POU2F3: variants seen among roughly 807,000 people sequenced by gnomAD.
POU2F3 encodes POU class 2 homeobox 3, also known as POU domain, class 2, transcription factor 3.
POU2F3 carries 23 observed loss-of-function variants against 59.2 expected under a neutral mutation model. The ratio of observed to expected loss-of-function variants is 0.39; its 90% CI spans 0.28 to 0.55. The LOEUF is 0.55. Among genes scored for constraint, POU2F3 ranks in the 20% least tolerant of loss-of-function variants. POU2F3 has a pLI of 0.66. For missense variants in POU2F3, 473 were observed against 544.5 expected (o/e 0.87, Z 1.31); for synonymous variants, 190 against 214.6 (o/e 0.89, Z 1.00).
At chr11:120,307,455 C>T in intron 8 of POU2F3, 24 bp from the exon 9 acceptor site, 1 of 1,613,010 alleles carries the variant, frequency 6.2e-7, no homozygotes, top group Non-Finnish European at 8.5e-7. Flanking sequence ...TCTGAGCTTC[C>T]TCTGGTCCTT....
chr11:120,253,833 T>G (rs1024602410), intron 2 of POU2F3, among the ~76,000 whole-genome samples: 1 of 152,246 alleles, frequency 6.6e-6, no homozygotes, highest in Non-Finnish European at 1.5e-5. Context: ...TGGCTCCACC[T>G]GACCCTGGGT....
intron 3 of POU2F3, among the ~76,000 whole-genome samples, chr11:120,275,918 G>A (rs1591402905): frequency 6.6e-6 from 1 of 152,184 alleles, no homozygotes; most frequent in Non-Finnish European, 1.5e-5. Context: ...CAACTACCAC[G>A]GTTCTCTAGC....
upstream of POU2F3, chr11:120,236,665 A>G: frequency 4.0e-6 from 6 of 1,500,078 alleles, no homozygotes; most frequent in Non-Finnish European, 5.4e-6. Context: ...AGCTCAAAAA[A>G]CCGGTTTCAT....
chr11:120,267,133 CTT>C (rs539220664), intron 2 of POU2F3, among the ~76,000 whole-genome samples: 7 of 142,578 alleles, frequency 4.9e-5, no homozygotes, highest in Non-Finnish European at 4.6e-5. Context: ...TAGCAGATCT[CTT>C]TTTTTTTTTT....
At chr11:120,258,915 A>G (rs983524706) in intron 2 of POU2F3, 1 of 152,218 alleles carries the variant, frequency 6.6e-6, no homozygotes, top group African/African-American at 2.4e-5. Flanking sequence ...AGAGGGCCCC[A>G]TCTCAGACTG....
At chr11:120,301,182 G>GT (rs1941337146) in intron 5 of POU2F3, 1 of 425,686 alleles carries the variant, frequency 2.3e-6, no homozygotes, top group Admixed American at 2.6e-5. Flanking sequence ...CTAACTGTGT[G>GT]TTTTGGGGAA....
At chr11:120,240,417 G>A in intron 1 of POU2F3, 46 bp downstream of exon 1, 1 of 1,355,204 alleles carries the variant, frequency 7.4e-7, no homozygotes, top group African/African-American at 1.5e-5. Flanking sequence ...ACTGCGCGTG[G>A]GCAGGGGTGA....
chr11:120,241,374 G>A (rs1310695134), intron 1 of POU2F3, among the ~76,000 whole-genome samples: 1 of 152,192 alleles, frequency 6.6e-6, no homozygotes, highest in African/African-American at 2.4e-5. Context: ...AGCAGAGCAG[G>A]CCTGAGGCCT....
chr11:120,238,070 G>A (rs902282377), upstream of POU2F3, among the ~76,000 whole-genome samples: 3 of 151,972 alleles, frequency 2.0e-5, no homozygotes, highest in South Asian at 2.1e-4. Flanking sequence ...GAGAAACCCC[G>A]TCTCTACTAA....
intron 4 of POU2F3, 56 bp from the exon 5 acceptor site, chr11:120,299,568 G>A: frequency 3.3e-6 from 5 of 1,518,872 alleles, no homozygotes; most frequent in Non-Finnish European, 4.5e-6. Context: ...AGGCAGATGG[G>A]GCTGATGTCC....
chr11:120,246,607 T>C, intron 2 of POU2F3, 90 bp downstream of exon 2: 1 of 1,411,854 alleles, frequency 7.1e-7, no homozygotes. Flanking sequence ...TCTTGCTTGG[T>C]CTTTCAGCCA....
At chr11:120,284,612 G>A (rs1397927904) in intron 3 of POU2F3, among the ~76,000 whole-genome samples, 1 of 152,128 alleles carries the variant, frequency 6.6e-6, no homozygotes, top group Admixed American at 6.5e-5. Context: ...ATTATCCCAA[G>A]CCAGAACAGG....
At chr11:120,298,542 C>A in intron 4 of POU2F3, 152 bp downstream of exon 4, 3 of 1,088,360 alleles carry the variant, frequency 2.8e-6, no homozygotes, top group South Asian at 1.8e-5. Context: ...TAAAACAGTC[C>A]TCTTACAGGT....
intron 3 of POU2F3, among the ~76,000 whole-genome samples, chr11:120,297,046 A>G (rs1941210994): frequency 6.6e-6 from 1 of 152,216 alleles, no homozygotes; most frequent in Non-Finnish European, 1.5e-5. Context: ...GACCAAGAAA[A>G]TGGTTTAAGC....
chr11:120,253,418 C>T (rs1939201921), intron 2 of POU2F3, among the ~76,000 whole-genome samples: 1 of 152,138 alleles, frequency 6.6e-6, no homozygotes, highest in South Asian at 2.1e-4. Context: ...TGCCACCATG[C>T]CTGGCTAATT....
chr11:120,258,197 G>A (rs1224494087), intron 2 of POU2F3, among the ~76,000 whole-genome samples: 4 of 152,002 alleles, frequency 2.6e-5, no homozygotes, highest in South Asian at 2.1e-4. Context: ...CTGCTCTTTC[G>A]CTCTCTACCC....
intron 1 of POU2F3, among the ~76,000 whole-genome samples, chr11:120,242,372 A>T (rs1938700882): frequency 6.6e-6 from 1 of 152,092 alleles, no homozygotes; most frequent in Non-Finnish European, 1.5e-5. Flanking sequence ...TCTGTGAAGG[A>T]GGATCGCTCT....
At chr11:120,299,867 C>A in intron 5 of POU2F3, 141 bp downstream of exon 5, 2 of 652,796 alleles carry the variant, frequency 3.1e-6, no homozygotes, top group Non-Finnish European at 5.1e-6. Flanking sequence ...ACTTATCCAC[C>A]CCAGGGTCTG....
rs759120636 is a variant in POU2F3, at chr11:120,315,444, G to T, written c.1135+17G>T. ...CTGGAACAGGTGAGCTTTAAAATGAGATTTCTGAAGAACACCAGAATTCTT... is the reference window on the plus strand; with the variant it reads ...CTGGAACAGGTGAGCTTTAAAATGATATTTCTGAAGAACACCAGAATTCTT... On this transcript the variant is annotated intron_variant, in intron 11 of 12. Transcript: ENST00000543440. 6.3e-7 allele frequency: 1 copy of T among 1,599,828 alleles called. No homozygotes were observed. The highest frequency in any genetic ancestry group is 1.1e-5 in the South Asian group (1 of 90,672).
Sources: gnomAD v4.1 joint callset for allele counts (sites outside exome capture counted in the v4.1 genomes callset) on GRCh38, gnomAD v4.1.1 for gene constraint, MANE v1.5 for transcripts, NCBI Gene and HGNC (gene_info 2026-07-23, HGNC 2026-07-21) for gene names.